YEATS2: variants seen among roughly 807,000 people sequenced by gnomAD.
The protein encoded by YEATS2 is YEATS domain-containing protein 2.
YEATS2 carries 77 observed loss-of-function variants against 163.2 expected under a neutral mutation model. The ratio of observed to expected loss-of-function variants is 0.47; its 90% CI spans 0.39 to 0.57. The LOEUF (loss-of-function observed/expected upper bound fraction) is 0.57. Among genes scored for constraint, YEATS2 ranks in the 20% least tolerant of loss-of-function variants. The pLI is 0.00. For synonymous variants in YEATS2, 631 were observed against 645.1 expected, an observed-to-expected ratio of 0.98 and a Z score of 0.33; for missense variants, 1,549 against 1,729.8, an observed-to-expected ratio of 0.90 and a Z score of 1.85.
intron 1 of YEATS2, among the ~76,000 whole-genome samples, chr3:183,710,686 C>A (rs552143946): frequency 1.8e-4 from 28 of 151,376 alleles, no homozygotes; most frequent in African/African-American, 6.1e-4. Flanking sequence ...CACCAAAAGT[C>A]AAAGAGAGGG....
intron 20 of YEATS2, 111 bp from the exon 21 acceptor site, chr3:183,790,686 T>C (rs1437948473): frequency 1.7e-6 from 2 of 1,185,654 alleles, no homozygotes; most frequent in Non-Finnish European, 2.4e-6. Flanking sequence ...AAGTAGTCAT[T>C]AACACCTAAT....
Position 183,752,102 on chromosome 3 carries a change from T to G in YEATS2, c.999T>G (p.Ser333=). 1 of 1,614,138 alleles carries G rather than the reference T, an allele frequency of 6.2e-7. No homozygotes were observed. The highest frequency in any genetic ancestry group is 8.5e-7 in the Non-Finnish European group (1 of 1,180,032). The change falls in exon 10 of 31, where the codon TCT becomes TCG. Residue 333 remains serine (S), a synonymous_variant. Transcript: ENST00000305135. ...TVVDVELHRH[S]LGEDCIYPQS... is the part of the protein sequence containing the mutation. ...TGGATGTTGAACTCCATCGCCATTC[T>G]CTCGGAGAAGACTGTATCTATCCTC...
At chr3:183,776,688 T>C (rs1024792052) in intron 18 of YEATS2, among the ~76,000 whole-genome samples, 7 of 152,160 alleles carry the variant, frequency 4.6e-5, no homozygotes, top group Non-Finnish European at 8.8e-5. Context: ...GCACGGTGGC[T>C]CACGCCTGTA....
chr3:183,721,901 C>T lies in YEATS2; in HGVS notation c.302C>T (p.Thr101Ile), dbSNP rs1031498234. The change falls in exon 5 of 31, where the codon ACA (threonine) becomes ATA (isoleucine). Residue 101 changes from threonine to isoleucine, a missense_variant. Coordinates refer to ENST00000305135, the MANE Select transcript of YEATS2 (RefSeq NM_018023.5). ...TTTCATTTTTTGTAGGGATCAAAGACATGTGATACAATGGTTTTTAATCAT... is the reference window on the plus strand; with the variant it reads ...TTTCATTTTTTGTAGGGATCAAAGATATGTGATACAATGGTTTTTAATCAT... ...GLLKVSEGSK[T>I]CDTMVFNHPA... is the part of the protein sequence containing the mutation. The T allele has an allele frequency of 6.2e-7, 1 of 1,614,062 alleles. No homozygotes were observed. The highest frequency in any genetic ancestry group is 8.5e-7 in the Non-Finnish European group (1 of 1,180,006).
At chr3:183,801,860 TC>T in intron 25 of YEATS2, 1 of 190,260 alleles carries the variant, frequency 5.3e-6, no homozygotes, top group Non-Finnish European at 1.1e-5. Flanking sequence ...GTGTACCAGG[TC>T]CTGTGCAGGT....
chr3:183,810,568 G>C lies in YEATS2; in HGVS notation c.4254G>C (p.Leu1418Phe). Residue 1418 changes from leucine to phenylalanine, a missense_variant, in exon 31 of 31, where the codon TTG (leucine) becomes TTC (phenylalanine). By Grantham distance (22) the Leu-to-Phe change is conservative. Coordinates refer to ENST00000305135, the MANE Select transcript of YEATS2 (RefSeq NM_018023.5). ...TCACAAACAAACACATGGGAATATTGAATGAGGACCAGTGAGCGGAGTGAG... is the reference window on the plus strand; with the variant it reads ...TCACAAACAAACACATGGGAATATTCAATGAGGACCAGTGAGCGGAGTGAG... ...DFLTNKHMGI[L>F]NEDQ 1 of 1,614,022 alleles carries C rather than the reference G, an allele frequency of 6.2e-7. No homozygotes were observed.
Position 183,752,190 on chromosome 3 carries a change from G to A in YEATS2, c.1087G>A (p.Val363Met), listed in dbSNP as rs1442408294. ...TTTGCCTTTGACCATTCCAGCCCCA[G>A]TGAAAGCTTCTTCACCAATAAAGCA... is the stretch of plus-strand genomic sequence containing the variant. The part of the protein sequence containing the change: ...PSLPLTIPAP[V>M]KASSPIKQSH... The change falls in exon 10 of 31, where the codon GTG becomes ATG. Residue 363 changes from valine (V) to methionine (M), a missense_variant. Val to Met is a conservative substitution (Grantham distance 21). Coordinates refer to ENST00000305135, the MANE Select transcript of YEATS2 (RefSeq NM_018023.5). The A allele has an allele frequency of 6.2e-7, 1 of 1,614,000 alleles. No individual in the cohort carries two copies. The highest frequency in any genetic ancestry group is 8.5e-7 in the Non-Finnish European group (1 of 1,180,014).
intron 19 of YEATS2, among the ~76,000 whole-genome samples, chr3:183,784,941 C>T (rs190468188): frequency 7.8e-4 from 118 of 151,854 alleles, no homozygotes; most frequent in African/African-American, 2.7e-3. Flanking sequence ...GGCATGGTGG[C>T]GCATACCTGT....
rs777936756 is a variant in YEATS2, at chr3:183,786,205, G to A, written c.2817G>A (p.Ser939=). The A allele has an allele frequency of 2.5e-6, 4 of 1,613,980 alleles. No individual in the cohort carries two copies. The highest frequency in any genetic ancestry group is 2.5e-6 in the Non-Finnish European group (3 of 1,180,030). The change falls in exon 20 of 31, where the codon TCG becomes TCA. Residue 939 remains serine, a synonymous_variant. Transcript: ENST00000305135. ...CTGTGCCAGCCACCTCACAGCTCTCGAAGCCTGGAACCACAATGCTGAGAG... is the reference window on the plus strand; with the variant it reads ...CTGTGCCAGCCACCTCACAGCTCTCAAAGCCTGGAACCACAATGCTGAGAG... ...LKTVPATSQL[S]KPGTTMLRVA...
chr3:183,714,226 C>T (rs1316694455), intron 1 of YEATS2, among the ~76,000 whole-genome samples: 2 of 143,910 alleles, frequency 1.4e-5, no homozygotes, highest in African/African-American at 2.6e-5. Flanking sequence ...GATGGAGTCT[C>T]GCTCTGTCTC....
In YEATS2 at chr3:183,786,192, C is replaced by T. The variant is rs990020905; in HGVS notation, c.2804C>T (p.Thr935Ile). 3.1e-6 allele frequency: 5 copies of T among 1,614,182 alleles called. No homozygotes were observed. In the African/African-American group the frequency reaches 5.3e-5, roughly 17 times the overall value. Residue 935 changes from threonine to isoleucine, a missense_variant, in exon 20 of 31, where the codon ACC becomes ATC. By Grantham distance (89) the Thr-to-Ile change is moderately conservative. Coordinates refer to ENST00000305135, the MANE Select transcript of YEATS2 (RefSeq NM_018023.5). ...AGCACCTTGAAGACTGTGCCAGCCA[C>T]CTCACAGCTCTCGAAGCCTGGAACC... is the stretch of plus-strand genomic sequence containing the variant. The part of the protein sequence containing the change: ...SDSTLKTVPA[T>I]SQLSKPGTTM...
At chr3:183,779,015 G>C (rs1277414833) in intron 19 of YEATS2, among the ~76,000 whole-genome samples, 2 of 151,908 alleles carry the variant, frequency 1.3e-5, no homozygotes, top group Non-Finnish European at 2.9e-5. Context: ...GGTTCAAGCA[G>C]TTCGCCTGCC....
At chr3:183,757,581 C>T (rs189403609) in intron 12 of YEATS2, among the ~76,000 whole-genome samples, 121 of 152,232 alleles carry the variant, frequency 7.9e-4, no homozygotes, top group Admixed American at 1.7e-3. Context: ...CGCCTGGCCC[C>T]ATTCAACCTG....
At chr3:183,805,578 C>G (rs1726105230) in intron 27 of YEATS2, among the ~76,000 whole-genome samples, 1 of 151,834 alleles carries the variant, frequency 6.6e-6, no homozygotes. Flanking sequence ...TGTTTGAGCC[C>G]AAGAGTTCAA....
At chr3:183,711,950 G>A (rs1715270184) in intron 1 of YEATS2, among the ~76,000 whole-genome samples, 1 of 151,492 alleles carries the variant, frequency 6.6e-6, no homozygotes, top group African/African-American at 2.4e-5. Context: ...CTCCTGAGTA[G>A]CTGGGATTAC....
chr3:183,721,743 G>T, intron 4 of YEATS2, 148 bp from the exon 5 acceptor site: 1 of 988,558 alleles, frequency 1.0e-6, no homozygotes, highest in Non-Finnish European at 1.5e-6. Flanking sequence ...TGTGCTAAGG[G>T]GTTGGGATAT....
At chr3:183,755,020 AG>A (rs1331296999) in intron 11 of YEATS2, among the ~76,000 whole-genome samples, 2 of 152,196 alleles carry the variant, frequency 1.3e-5, no homozygotes, top group African/African-American at 4.8e-5. Flanking sequence ...AGTTAAATGA[AG>A]GGGGGAAAAA....
chr3:183,806,462 A>G (rs1361352145), intron 27 of YEATS2: 3 of 457,082 alleles, frequency 6.6e-6, no homozygotes, highest in Non-Finnish European at 8.8e-6. Flanking sequence ...AAATGTTAAC[A>G]GTCCTGCTCT....
chr3:183,779,709 A>T (rs1255562256), intron 19 of YEATS2, among the ~76,000 whole-genome samples: 2 of 151,594 alleles, frequency 1.3e-5, no homozygotes, highest in Admixed American at 6.6e-5. Context: ...TTTTTTATAT[A>T]TTTTTTTGAG....
Sources: allele counts gnomAD v4.1 joint callset (sites outside exome capture counted in the v4.1 genomes callset), GRCh38; gene constraint gnomAD v4.1.1; transcripts MANE v1.5; gene names NCBI Gene and HGNC (gene_info 2026-07-23, HGNC 2026-07-21).